The following UGT1A4 variants were observed in gnomAD, a reference collection of about 807,000 sequenced individuals.
The protein encoded by UGT1A4 is UDP glucuronosyltransferase family 1 member A4.
UGT1A4 carries 32 observed loss-of-function variants against 41.1 expected under a neutral mutation model. The ratio of observed to expected loss-of-function variants is 0.78; its 90% confidence interval spans 0.59 to 1.05. The LOEUF is 1.05. Ranked by LOEUF, UGT1A4 falls within the 50% of genes least tolerant of loss-of-function variation. UGT1A4 has a pLI of 0.00. For missense variants in UGT1A4, 748 were observed against 677.4 expected (o/e 1.10, Z -1.16); for synonymous variants, 283 against 265.1 (o/e 1.07, Z -0.66).
At chr2:233,761,312 C>T (rs1697739836) in intron 1 of UGT1A4, among the ~76,000 whole-genome samples, 2 of 152,232 alleles carry the variant, frequency 1.3e-5, no homozygotes, top group Non-Finnish European at 2.9e-5. Flanking sequence ...CTGTCTTTGG[C>T]ATCATCTTCT....
At chr2:233,732,618 A>G (rs2078289754) in intron 1 of UGT1A4, among the ~76,000 whole-genome samples, 1 of 152,068 alleles carries the variant, frequency 6.6e-6, no homozygotes, top group Non-Finnish European at 1.5e-5. Flanking sequence ...ATGGTTGTAG[A>G]TGTGTGGTGT....
chr2:233,768,512 T>C (rs1026092471), intron 4 of UGT1A4, 73 bp downstream of exon 4: 15 of 1,552,814 alleles, frequency 9.7e-6, no homozygotes, highest in South Asian at 4.8e-5. Context: ...ATGAAAACAT[T>C]TACGTAGCAT....
At position 233,772,459 on chromosome 2, in the gene UGT1A4, C is replaced by G. The variant is rs1268705566; in HGVS notation, c.1505C>G (p.Thr502Arg). The change falls in exon 5 of 5, where the codon ACA becomes AGA. Residue 502 changes from threonine to arginine, a missense_variant. Coordinates refer to ENST00000373409, the MANE Select transcript of UGT1A4 (RefSeq NM_007120.3). ...VIGFLLAVVL[T>R]VAFITFKCCA... is the part of the protein sequence containing the mutation. Reference sequence around the variant, plus strand: ...GGTTTCCTCTTGGCCGTCGTGCTGACAGTGGCCTTCATCACCTTTAAATGT... The same window carrying G: ...GGTTTCCTCTTGGCCGTCGTGCTGAGAGTGGCCTTCATCACCTTTAAATGT... 5 of 1,614,074 alleles carry G rather than the reference C, an allele frequency of 3.1e-6. No individual in the cohort carries two copies. In the Admixed American group the frequency reaches 8.3e-5, roughly 27 times the overall value.
Position 233,719,429 on chromosome 2 carries a change from C to A in UGT1A4, c.609C>A (p.Asp203Glu). 6.2e-7 allele frequency: 1 copy of A among 1,613,996 alleles called. No homozygotes were observed. Among genetic ancestry groups the A allele is most frequent in the Non-Finnish European group, 8.5e-7 (1 of 1,179,878 alleles). Residue 203 changes from aspartate to glutamate, a missense_variant, in exon 1 of 5, where the codon GAC becomes GAA. By Grantham distance (45) the Asp-to-Glu change is conservative (BLOSUM62 2). Coordinates refer to ENST00000373409, the MANE Select transcript of UGT1A4 (RefSeq NM_007120.3). The stretch of plus-strand genomic sequence containing the variant: ...CTAAGTTACTAACGACCAATTCAGA[C>A]CACATGACATTCCTGCAAAGGGTCA... ...YIPKLLTTNSDHMTFLQRVKN... is the reference protein window; with the variant it reads ...YIPKLLTTNSEHMTFLQRVKN...
intron 1 of UGT1A4, chr2:233,747,709 C>A (rs1194057066): frequency 6.2e-7 from 1 of 1,612,868 alleles, no homozygotes; most frequent in Non-Finnish European, 8.5e-7. Context: ...AAGTACCTAT[C>A]AATTCCTGCT....
intron 1 of UGT1A4, among the ~76,000 whole-genome samples, chr2:233,737,437 T>C (rs980239131): frequency 1.1e-4 from 16 of 152,146 alleles, no homozygotes; most frequent in Admixed American, 3.3e-4. Flanking sequence ...GGTGGGAGTG[T>C]CCCGTTTTTC....
In UGT1A4 at chr2:233,760,531, C is replaced by T. The variant is rs1397137648; in HGVS notation, c.868-6503C>T. 4 of 1,614,130 alleles carry T rather than the reference C, an allele frequency of 2.5e-6. No homozygotes were observed. Among genetic ancestry groups the T allele is most frequent in the Non-Finnish European group, 3.4e-6 (4 of 1,180,056 alleles). ...TTACACCTTGAAGACGTACCCTGTG[C>T]CATTCCAAAGGGAGGATGTGAAAGA... is the stretch of plus-strand genomic sequence containing the variant. On this transcript the variant is annotated intron_variant, in intron 1 of 4. Coordinates refer to ENST00000373409, the MANE Select transcript of UGT1A4 (RefSeq NM_007120.3).
rs2126030462 is a variant in UGT1A4 at position 233,767,128 on chromosome 2, T to C, written c.962T>C (p.Met321Thr). The change falls in exon 2 of 5, where the codon ATG (methionine) becomes ACG (threonine). Residue 321 changes from methionine to threonine, a missense_variant. Transcript: ENST00000373409. Reference protein sequence around the residue: ...MVSEIPEKKAMAIADALGKIP... With the variant: ...MVSEIPEKKATAIADALGKIP... ...TCAGAAATTCCAGAGAAGAAAGCTA[T>C]GGCAATTGCTGATGCTTTGGGCAAA... 1 of 1,614,150 alleles carries C rather than the reference T, an allele frequency of 6.2e-7. No individual in the cohort carries two copies. The highest frequency in any genetic ancestry group is 1.3e-5 in the African/African-American group (1 of 75,052).
In UGT1A4 at chr2:233,737,609, G is replaced by A. The variant is rs563155161; in HGVS notation, c.867+17922G>A. Among the ~76,000 whole-genome samples, 4 of 152,288 alleles carry A rather than the reference G, an allele frequency of 2.6e-5. No individual in the cohort carries two copies. In the East Asian group the frequency reaches 7.7e-4, roughly 29 times the overall value. On this transcript the variant is annotated intron_variant, in intron 1 of 4. Transcript: ENST00000373409. Reference sequence around the variant, plus strand: ...ATGAGATGAACCAGGTACCTCAGTTGGAAATGCAGAAATCATCCATCTTCT... The same window carrying A: ...ATGAGATGAACCAGGTACCTCAGTTAGAAATGCAGAAATCATCCATCTTCT...
intron 1 of UGT1A4, among the ~76,000 whole-genome samples, chr2:233,764,258 T>C (rs1698520087): frequency 1.3e-5 from 2 of 152,152 alleles, no homozygotes; most frequent in Non-Finnish European, 2.9e-5. Context: ...AGTTAATATG[T>C]TGCTTCACTC....
chr2:233,729,114 G>T (rs1215880389), intron 1 of UGT1A4: 1 of 1,612,830 alleles, frequency 6.2e-7, no homozygotes. Context: ...AGCTGTCCGT[G>T]TCTTCTGCTG....
intron 1 of UGT1A4, among the ~76,000 whole-genome samples, chr2:233,725,890 G>A (rs2077482116): frequency 6.6e-6 from 1 of 152,164 alleles, no homozygotes; most frequent in Admixed American, 6.5e-5. Context: ...TTTGTAGGCA[G>A]GTGGGTGGCT....
chr2:233,728,446 A>G (rs1222950362), intron 1 of UGT1A4, among the ~76,000 whole-genome samples: 1 of 152,128 alleles, frequency 6.6e-6, no homozygotes, highest in African/African-American at 2.4e-5. Context: ...TATATGGAGA[A>G]TCCTCAACAA....
At chr2:233,723,288 C>A (rs1349811182) in intron 1 of UGT1A4, among the ~76,000 whole-genome samples, 2 of 115,626 alleles carry the variant, frequency 1.7e-5, no homozygotes, top group Non-Finnish European at 3.4e-5. Flanking sequence ...TGGCTCACTG[C>A]AACCTCTGCC....
chr2:233,728,535 G>C (rs1446157301), intron 1 of UGT1A4, among the ~76,000 whole-genome samples: 3 of 152,190 alleles, frequency 2.0e-5, no homozygotes, highest in Admixed American at 6.5e-5. Context: ...CCACTTCAGA[G>C]AGAGTCCTCT....
intron 1 of UGT1A4, among the ~76,000 whole-genome samples, chr2:233,735,842 C>G (rs2078702180): frequency 6.6e-6 from 1 of 152,078 alleles, no homozygotes; most frequent in Non-Finnish European, 1.5e-5. Flanking sequence ...TTGGCCCCCA[C>G]TCTCTTCTGT....
intron 1 of UGT1A4, among the ~76,000 whole-genome samples, chr2:233,737,902 TA>T (rs1468589686): frequency 1.3e-5 from 2 of 152,134 alleles, no homozygotes; most frequent in Non-Finnish European, 2.9e-5. Context: ...TCGAGTGTGG[TA>T]AAGAACAGGC....
chr2:233,748,947 C>T (rs900612588), intron 1 of UGT1A4, among the ~76,000 whole-genome samples: 1 of 151,662 alleles, frequency 6.6e-6, no homozygotes. Context: ...CCCACCCTAT[C>T]CCACTCCAAG....
At chr2:233,754,970 G>T (rs1695665422) in intron 1 of UGT1A4, 1 of 1,301,498 alleles carries the variant, frequency 7.7e-7, no homozygotes, top group Non-Finnish European at 1.0e-6. Context: ...AGAACTCCCT[G>T]AAGACCTCGG....
Sources: gnomAD v4.1 joint callset for allele counts (sites outside exome capture counted in the v4.1 genomes callset) on GRCh38, gnomAD v4.1.1 for gene constraint, MANE v1.5 for transcripts, NCBI Gene and HGNC (gene_info 2026-07-23, HGNC 2026-07-21) for gene names.